The following BMS1 variants were observed in gnomAD, a reference collection of about 807,000 sequenced individuals.
BMS1 encodes the protein ribosome biogenesis protein BMS1 homolog.
BMS1 carries 53 observed loss-of-function variants against 138.7 expected under a neutral mutation model. The ratio of observed to expected loss-of-function variants is 0.38; its 90% CI spans 0.31 to 0.48. BMS1 has a LOEUF of 0.48. Among genes scored for constraint, BMS1 ranks in the 20% least tolerant of loss-of-function variants. The pLI, the probability that BMS1 is intolerant of heterozygous loss-of-function variation, is 0.97. For synonymous variants in BMS1, 504 were observed against 539.9 expected (o/e 0.93, Z 0.92); for missense variants, 1,360 against 1,565.5 (o/e 0.87, Z 2.22).
At position 42,832,948 on chromosome 10, in the gene BMS1, C is replaced by T. The variant is rs1398532764; in HGVS notation, c.*1852C>T. On this transcript the variant is annotated 3_prime_UTR_variant, in exon 23 of 23. Transcript: ENST00000374518. ...TATAATTCAACTAAAATATACAAGG[C>T]ACTCAAGTCATACCATGTTTTAAGT... 6.6e-6 allele frequency: 1 copy of T among 152,162 alleles called. No individual in the cohort carries two copies. Among genetic ancestry groups the T allele is most frequent in the Admixed American group, 6.6e-5 (1 of 15,266 alleles). The allele number at this position is 152,162 out of a possible 1,614,324, so 9.4% of individuals were successfully genotyped here.
chr10:42,817,249 A>T, intron 14 of BMS1, 69 bp from the exon 15 acceptor site: 3 of 1,232,530 alleles, frequency 2.4e-6, no homozygotes, highest in Non-Finnish European at 3.4e-6. Context: ...ATAGAACTTT[A>T]AAAAAGCTAA....
chr10:42,799,397 G>A (rs187866888), intron 12 of BMS1, among the ~76,000 whole-genome samples: 1 of 152,296 alleles, frequency 6.6e-6, no homozygotes, highest in East Asian at 1.9e-4. Context: ...GTGAGCCATC[G>A]CGCCAGCCCC....
chr10:42,788,756 G>A (rs1224599614), intron 4 of BMS1, among the ~76,000 whole-genome samples: 3 of 152,178 alleles, frequency 2.0e-5, no homozygotes, highest in Non-Finnish European at 4.4e-5. Context: ...GTAATGCAGG[G>A]TGCACACAAT....
intron 2 of BMS1, 102 bp from the exon 3 acceptor site, chr10:42,785,380 C>T (rs1482075305): frequency 4.1e-6 from 4 of 969,576 alleles, no homozygotes; most frequent in East Asian, 2.7e-5. Context: ...GTACTCATAG[C>T]TATAAGTGTA....
At chr10:42,813,151 A>G (rs958843124) in intron 13 of BMS1, among the ~76,000 whole-genome samples, 3 of 152,324 alleles carry the variant, frequency 2.0e-5, no homozygotes, top group South Asian at 4.1e-4. Context: ...ATCTTTCTCC[A>G]TTCTTTTACT....
chr10:42,827,889 T>C (rs1222564373), intron 21 of BMS1, among the ~76,000 whole-genome samples: 4 of 152,230 alleles, frequency 2.6e-5, no homozygotes, highest in African/African-American at 7.2e-5. Flanking sequence ...CACTGGGTAC[T>C]CTTTTGAACT....
chr10:42,830,494 G>A lies in BMS1; in HGVS notation c.3618+72G>A, dbSNP rs562625754. On this transcript the variant is annotated intron_variant, in intron 22 of 22. Coordinates refer to ENST00000374518, the MANE Select transcript of BMS1 (RefSeq NM_014753.4). ...GAACACTCTCAATAGCACACTTCCT[G>A]TTTCTACTGTAGTCTCAGTTATTCA... 6.4e-4 allele frequency: 974 copies of A among 1,525,026 alleles called. 3 individuals are homozygous for A. Among genetic ancestry groups the A allele is most frequent in the Admixed American group, 1.4e-3 (61 of 44,106 alleles). 94.5% of individuals were successfully genotyped at this position (1,525,026 alleles called of 1,614,324 possible).
chr10:42,798,739 A>G, intron 12 of BMS1, 114 bp downstream of exon 12: 3 of 1,410,088 alleles, frequency 2.1e-6, no homozygotes, highest in Non-Finnish European at 2.9e-6. Flanking sequence ...TTACAGGATT[A>G]CAGGTCATTC....
At chr10:42,819,279 G>C (rs1364950722) in intron 15 of BMS1, among the ~76,000 whole-genome samples, 2 of 152,154 alleles carry the variant, frequency 1.3e-5, no homozygotes, top group African/African-American at 2.4e-5. Flanking sequence ...CTGTGCCTGA[G>C]CTGCCTGTAG....
chr10:42,825,919 T>G (rs1217675757), intron 21 of BMS1, among the ~76,000 whole-genome samples: 1 of 152,210 alleles, frequency 6.6e-6, no homozygotes, highest in Non-Finnish European at 1.5e-5. Flanking sequence ...TAAATGGGCT[T>G]TATTACGTTG....
chr10:42,824,586 G>C (rs1165806512), intron 21 of BMS1, among the ~76,000 whole-genome samples: 2 of 152,216 alleles, frequency 1.3e-5, no homozygotes, highest in African/African-American at 2.4e-5. Flanking sequence ...TTCTCCCTAT[G>C]TTTTCTTCTA....
chr10:42,816,460 G>A, intron 13 of BMS1, 139 bp from the exon 14 acceptor site: 1 of 585,814 alleles, frequency 1.7e-6, no homozygotes, highest in Non-Finnish European at 2.9e-6. Context: ...CTAGTGCAAA[G>A]TTTTGCCTGT....
chr10:42,786,284 G>T (rs1438390921), intron 3 of BMS1, among the ~76,000 whole-genome samples: 1 of 152,228 alleles, frequency 6.6e-6, no homozygotes, highest in African/African-American at 2.4e-5. Context: ...TGCTTTGGGA[G>T]ATGGTGACCT....
Position 42,831,159 on chromosome 10 carries a change from T to G in BMS1, c.*63T>G. The G allele has an allele frequency of 6.9e-7, 1 of 1,455,794 alleles. No homozygotes were observed. The highest frequency in any genetic ancestry group is 2.5e-5 in the East Asian group (1 of 40,308). 90.2% of individuals were successfully genotyped at this position (1,455,794 alleles called of 1,614,324 possible). A position where few individuals can be genotyped will look rare whatever the true frequency, so the allele number is the denominator to read the frequency against. On this transcript the variant is annotated 3_prime_UTR_variant, in exon 23 of 23. Coordinates refer to ENST00000374518, the MANE Select transcript of BMS1 (RefSeq NM_014753.4). The stretch of plus-strand genomic sequence containing the variant: ...GGTAGACAGTTTCAAACATCACAGT[T>G]TGAATGCCTGTGAATGACAAGTCAG...
intron 1 of BMS1, 106 bp from the exon 2 acceptor site, chr10:42,784,256 T>C: frequency 1.2e-6 from 1 of 803,872 alleles, no homozygotes; most frequent in Non-Finnish European, 1.9e-6. Context: ...AACAAATACA[T>C]CATCTCTTCA....
intron 2 of BMS1, among the ~76,000 whole-genome samples, 167 bp downstream of exon 2, chr10:42,784,737 C>T (rs534055372): frequency 4.6e-4 from 70 of 152,342 alleles, no homozygotes; most frequent in African/African-American, 1.6e-3. Flanking sequence ...CCCATAGAAG[C>T]TGCCTTGCCT....
chr10:42,800,372 A>G (rs1469113662), intron 12 of BMS1, among the ~76,000 whole-genome samples: 1 of 152,130 alleles, frequency 6.6e-6, no homozygotes, highest in Non-Finnish European at 1.5e-5. Context: ...TTGGTGCTCA[A>G]TGCCTAGAAC....
chr10:42,825,161 A>T (rs1842602943), intron 21 of BMS1, among the ~76,000 whole-genome samples: 1 of 152,086 alleles, frequency 6.6e-6, no homozygotes, highest in Admixed American at 6.5e-5. Context: ...GGCACGTGCC[A>T]CTATGCCCAG....
At chr10:42,811,542 T>TTTTTTTTTG (rs1842180968) in intron 13 of BMS1, among the ~76,000 whole-genome samples, 1 of 134,972 alleles carries the variant, frequency 7.4e-6, no homozygotes, top group African/African-American at 2.9e-5. Flanking sequence ...TTTTTTTTTT[T>TTTTTTTTTG]GAGACGGAGT....
Sources: allele counts gnomAD v4.1 joint callset (sites outside exome capture counted in the v4.1 genomes callset), GRCh38; gene constraint gnomAD v4.1.1; transcripts MANE v1.5; gene names NCBI Gene and HGNC (gene_info 2026-07-23, HGNC 2026-07-21).